The following CADPS2 variants were observed in gnomAD, a reference collection of about 807,000 sequenced individuals.
CADPS2 encodes the protein calcium-dependent secretion activator 2.
CADPS2 carries 93 observed loss-of-function variants against 172.5 expected under a neutral mutation model. The ratio of observed to expected loss-of-function variants is 0.54; its 90% CI spans 0.46 to 0.64. The LOEUF (loss-of-function observed/expected upper bound fraction) is 0.64. CADPS2 is among the 30% of genes least tolerant of loss of function. CADPS2 has a pLI of 0.00. For synonymous variants in CADPS2, 546 were observed against 555.2 expected, an observed-to-expected ratio of 0.98 and a Z score of 0.23; for missense variants, 1,420 against 1,565.9, an observed-to-expected ratio of 0.91 and a Z score of 1.57.
intron 12 of CADPS2, among the ~76,000 whole-genome samples, chr7:122,475,569 C>T (rs13231250): frequency 0.04 from 6,104 of 152,188 alleles, 216 homozygotes; most frequent in Non-Finnish European, 0.055. Flanking sequence ...TAGAGTCAGA[C>T]TCATAATAAA....
At chr7:122,593,095 A>G (rs1023407787) in intron 6 of CADPS2, among the ~76,000 whole-genome samples, 1 of 152,048 alleles carries the variant, frequency 6.6e-6, no homozygotes, top group African/African-American at 2.4e-5. Flanking sequence ...CAATACAGTG[A>G]GGACAATGAA....
At chr7:122,514,810 G>T (rs962061947) in intron 8 of CADPS2, among the ~76,000 whole-genome samples, 1 of 152,020 alleles carries the variant, frequency 6.6e-6, no homozygotes, top group Admixed American at 6.6e-5. Flanking sequence ...ATGAAATTAT[G>T]TTTTTGATAA....
At chr7:122,455,062 TATAATGA>T (rs1454018025) in intron 14 of CADPS2, among the ~76,000 whole-genome samples, 29 of 152,120 alleles carry the variant, frequency 1.9e-4, no homozygotes, top group Admixed American at 3.3e-4. Context: ...CCAAAGCCTT[TATAATGA>T]TGTATGAGCC....
chr7:122,457,948 C>T (rs2053986063), intron 14 of CADPS2, among the ~76,000 whole-genome samples: 1 of 152,174 alleles, frequency 6.6e-6, no homozygotes, highest in Non-Finnish European at 1.5e-5. Context: ...AAATTAAATG[C>T]TCCCCCACCC....
intron 2 of CADPS2, among the ~76,000 whole-genome samples, chr7:122,671,748 A>G (rs186567871): frequency 2.1e-4 from 32 of 152,334 alleles, no homozygotes; most frequent in African/African-American, 7.5e-4. Flanking sequence ...ACAGGAGGCA[A>G]TGGAAAACAC....
intron 2 of CADPS2, among the ~76,000 whole-genome samples, chr7:122,718,586 G>T (rs73220297): frequency 9.2e-5 from 14 of 152,080 alleles, no homozygotes; most frequent in African/African-American, 3.4e-4. Flanking sequence ...GTTTTTCTCC[G>T]TTGTTAACAG....
chr7:122,785,322 T>C (rs1793761472), intron 1 of CADPS2, among the ~76,000 whole-genome samples: 1 of 152,226 alleles, frequency 6.6e-6, no homozygotes, highest in South Asian at 2.1e-4. Context: ...CTTATGTAGA[T>C]TGTCATTTTG....
chr7:122,751,451 T>A (rs1052721859), intron 1 of CADPS2, among the ~76,000 whole-genome samples: 2 of 152,134 alleles, frequency 1.3e-5, no homozygotes, highest in African/African-American at 4.8e-5. Flanking sequence ...GAAAGCTTGA[T>A]CTCCTTCACC....
chr7:122,792,473 G>C (rs1490697831), intron 1 of CADPS2, among the ~76,000 whole-genome samples: 1 of 152,058 alleles, frequency 6.6e-6, no homozygotes, highest in African/African-American at 2.4e-5. Flanking sequence ...CCTTGACCTT[G>C]GACCTTCCAG....
intron 2 of CADPS2, among the ~76,000 whole-genome samples, chr7:122,683,435 T>C (rs972109116): frequency 6.6e-6 from 1 of 152,138 alleles, no homozygotes. Flanking sequence ...ATTCCAGGCT[T>C]AAGGGTGGGG....
intron 1 of CADPS2, among the ~76,000 whole-genome samples, chr7:122,825,751 C>T (rs943774340): frequency 9.9e-5 from 15 of 152,034 alleles, no homozygotes; most frequent in Non-Finnish European, 1.9e-4. Context: ...AACACAAAGA[C>T]ATTCAATGTC....
intron 1 of CADPS2, among the ~76,000 whole-genome samples, chr7:122,863,355 A>T (rs2141329836): frequency 6.6e-6 from 1 of 152,330 alleles, no homozygotes; most frequent in Non-Finnish European, 1.5e-5. Context: ...GTTTAAGAGA[A>T]CACTGAGATG....
intron 2 of CADPS2, chr7:122,697,631 C>CT (rs762707066): frequency 3.3e-6 from 2 of 614,670 alleles, no homozygotes; most frequent in Non-Finnish European, 2.7e-6. Context: ...CCCGCTAGGA[C>CT]TTTTTTGCTA....
At chr7:122,828,881 C>G (rs2140526480) in intron 1 of CADPS2, among the ~76,000 whole-genome samples, 1 of 152,300 alleles carries the variant, frequency 6.6e-6, no homozygotes, top group South Asian at 2.1e-4. Context: ...TCAGGGTGGA[C>G]TTCTGTTGAG....
chr7:122,796,209 A>C (rs1234588307), intron 1 of CADPS2, among the ~76,000 whole-genome samples: 1 of 152,252 alleles, frequency 6.6e-6, no homozygotes, highest in East Asian at 1.9e-4. Context: ...GCTATCAGAG[A>C]TGACACAAAC....
At chr7:122,591,248 C>A (rs11767257) in intron 6 of CADPS2, among the ~76,000 whole-genome samples, 28,540 of 151,774 alleles carry the variant, frequency 0.19, 3,553 homozygotes, top group Non-Finnish European at 0.28. Context: ...TGCTTCAAAG[C>A]GAATAAAATA....
At chr7:122,354,199 C>G (rs2039057769) in intron 27 of CADPS2, 1 of 151,844 alleles carries the variant, frequency 6.6e-6, no homozygotes, top group Non-Finnish European at 1.5e-5. Flanking sequence ...TTATTGTAAT[C>G]AATAATAATA....
intron 1 of CADPS2, among the ~76,000 whole-genome samples, chr7:122,859,803 T>C (rs1195492514): frequency 2.6e-5 from 4 of 152,172 alleles, no homozygotes; most frequent in Non-Finnish European, 5.9e-5. Context: ...TATAAACCAT[T>C]ATTATACTAT....
At chr7:122,605,446 G>GTATGACTATTTTATAGCA (rs2073392852) in intron 6 of CADPS2, among the ~76,000 whole-genome samples, 1 of 152,068 alleles carries the variant, frequency 6.6e-6, no homozygotes, top group South Asian at 2.1e-4. Context: ...ATTATGCAGT[G>GTATGACTATTTTATAGCA]TATGACTATT....
Sources: allele counts gnomAD v4.1 joint callset (sites outside exome capture counted in the v4.1 genomes callset), GRCh38; gene constraint gnomAD v4.1.1; transcripts MANE v1.5; gene names NCBI Gene and HGNC (gene_info 2026-07-23, HGNC 2026-07-21).